Variants in FREM2 observed in about 807,000 individuals in gnomAD.
The protein encoded by FREM2 is FRAS1-related extracellular matrix protein 2.
A neutral mutation model predicts 219.9 loss-of-function variants in FREM2; 119 were observed. The observed-to-expected ratio is 0.54, with a 90% CI of 0.47 to 0.63. The LOEUF (loss-of-function observed/expected upper bound fraction) is 0.63, where lower values mean the gene tolerates loss of function less well. FREM2 is among the 30% of genes least tolerant of loss of function. The pLI is 0.00. For missense variants in FREM2, 4,030 were observed against 3,993.6 expected, an observed-to-expected ratio of 1.01 and a Z score of -0.25; for synonymous variants, 1,562 against 1,522.8, an observed-to-expected ratio of 1.03 and a Z score of -0.60.
intron 2 of FREM2, among the ~76,000 whole-genome samples, chr13:38,701,393 GC>G (rs1870337020): frequency 1.3e-5 from 2 of 152,076 alleles, no homozygotes; most frequent in South Asian, 4.1e-4. Context: ...TGGTTTTCGT[GC>G]TTTATATCTT....
chr13:38,752,663 A>T (rs531151574), intron 2 of FREM2, among the ~76,000 whole-genome samples: 2 of 152,160 alleles, frequency 1.3e-5, no homozygotes, highest in African/African-American at 2.4e-5. Context: ...TTCCCTTTCT[A>T]TATTTTTGTC....
intron 6 of FREM2, among the ~76,000 whole-genome samples, chr13:38,833,002 A>G (rs1459868130): frequency 6.6e-6 from 1 of 152,092 alleles, no homozygotes; most frequent in Non-Finnish European, 1.5e-5. Context: ...TTGAGCCACT[A>G]CACTCCACCC....
At chr13:38,806,144 G>A (rs1452957547) in intron 6 of FREM2, among the ~76,000 whole-genome samples, 2 of 151,766 alleles carry the variant, frequency 1.3e-5, no homozygotes, top group Admixed American at 1.3e-4. Context: ...AATACAAGTA[G>A]GAGGGTCCAG....
intron 6 of FREM2, among the ~76,000 whole-genome samples, chr13:38,806,693 G>A (rs1403872186): frequency 6.6e-6 from 1 of 151,848 alleles, no homozygotes; most frequent in Non-Finnish European, 1.5e-5. Flanking sequence ...GCTGCTTATG[G>A]ATCAGGGTTG....
At chr13:38,729,306 G>A (rs1381988002) in intron 2 of FREM2, among the ~76,000 whole-genome samples, 1 of 151,948 alleles carries the variant, frequency 6.6e-6, no homozygotes, top group South Asian at 2.1e-4. Context: ...GACATATGAT[G>A]CTTTTCTTTT....
At chr13:38,827,978 C>A (rs1042996981) in intron 6 of FREM2, among the ~76,000 whole-genome samples, 1 of 152,140 alleles carries the variant, frequency 6.6e-6, no homozygotes, top group Admixed American at 6.6e-5. Context: ...TCTTTTATCA[C>A]AAACTTATTA....
chr13:38,739,522 G>A (rs9576607), intron 2 of FREM2, among the ~76,000 whole-genome samples: 18,191 of 152,074 alleles, frequency 0.12, 1,258 homozygotes, highest in Middle Eastern at 0.24. Context: ...TACACCTATG[G>A]TTGGCTTCCT....
Position 38,884,938 on chromosome 13 carries a change from T to C in FREM2, c.*4151T>C, listed in dbSNP as rs2137948220. 6.6e-6 allele frequency: 1 copy of C among 152,330 alleles called. No individual in the cohort carries two copies. The highest frequency in any genetic ancestry group is 2.4e-5 in the African/African-American group (1 of 41,582). The allele number at this position is 152,330 out of a possible 1,614,324, so 9.4% of individuals were successfully genotyped here. A position where few individuals can be genotyped will look rare whatever the true frequency, so the allele number is the denominator to read the frequency against. On this transcript the variant is annotated 3_prime_UTR_variant, in exon 24 of 24. Coordinates refer to ENST00000280481, the MANE Select transcript of FREM2 (RefSeq NM_207361.6). ...ACTCTCATGGGAGCTTCTTTAACAT[T>C]AGTTCAGAGGTTAATATATTTCCTG...
chr13:38,811,721 A>G (rs551868673), intron 6 of FREM2, among the ~76,000 whole-genome samples: 81 of 152,200 alleles, frequency 5.3e-4, no homozygotes, highest in Middle Eastern at 3.4e-3. Context: ...GACCTAACGT[A>G]TGGTCTGTTC....
At chr13:38,776,765 C>G (rs1283104564) in intron 4 of FREM2, among the ~76,000 whole-genome samples, 1 of 150,968 alleles carries the variant, frequency 6.6e-6, no homozygotes, top group Non-Finnish European at 1.5e-5. Context: ...TCATTTGTCT[C>G]TAAATCTAAA....
At chr13:38,840,411 C>T (rs9315616) in intron 6 of FREM2, among the ~76,000 whole-genome samples, 9 of 144,718 alleles carry the variant, frequency 6.2e-5, no homozygotes, top group Non-Finnish European at 1.2e-4. Flanking sequence ...GCCACCTTGC[C>T]GGGATTTCTC....
Position 38,884,892 on chromosome 13 carries a change from A to G in FREM2, c.*4105A>G, listed in dbSNP as rs1878675761. ...TGAAGTTTTACAAAAAGGTCAACAG[A>G]AAGCTCATTTGTGAAAACATACTCT... On this transcript the variant is annotated 3_prime_UTR_variant, in exon 24 of 24. Transcript: ENST00000280481. 6.6e-6 allele frequency: 1 copy of G among 152,218 alleles called. No individual in the cohort carries two copies. Among genetic ancestry groups the G allele is most frequent in the Non-Finnish European group, 1.5e-5 (1 of 68,028 alleles). The allele number at this position is 152,218 out of a possible 1,614,324, so 9.4% of individuals were successfully genotyped here. A position where few individuals can be genotyped will look rare whatever the true frequency, so the allele number is the denominator to read the frequency against.
At chr13:38,739,997 G>C (rs1374703733) in intron 2 of FREM2, among the ~76,000 whole-genome samples, 1 of 152,126 alleles carries the variant, frequency 6.6e-6, no homozygotes, top group Non-Finnish European at 1.5e-5. Context: ...CTTCAGTTTA[G>C]AGTGGCTTGC....
intron 6 of FREM2, among the ~76,000 whole-genome samples, chr13:38,846,304 T>A (rs901233795): frequency 6.6e-6 from 1 of 152,142 alleles, no homozygotes; most frequent in African/African-American, 2.4e-5. Flanking sequence ...AAGCCACTTA[T>A]AATCCCACAT....
At chr13:38,706,183 C>T (rs113937600) in intron 2 of FREM2, among the ~76,000 whole-genome samples, 62 of 152,166 alleles carry the variant, frequency 4.1e-4, no homozygotes, top group African/African-American at 1.4e-3. Context: ...AGATTAATAC[C>T]GTATCTTGAT....
chr13:38,876,804 C>G (rs1052723275), intron 20 of FREM2, among the ~76,000 whole-genome samples: 1 of 152,014 alleles, frequency 6.6e-6, no homozygotes, highest in Non-Finnish European at 1.5e-5. Context: ...ATCTTTTTTT[C>G]AAGAATTTTT....
intron 15 of FREM2, 23 bp from the exon 16 acceptor site, chr13:38,864,252 A>G (rs1017520058): frequency 7.6e-6 from 12 of 1,585,952 alleles, no homozygotes; most frequent in Non-Finnish European, 9.5e-6. Flanking sequence ...AAGACTGTTA[A>G]CAATGATTTC....
chr13:38,848,394 T>G, intron 7 of FREM2, 67 bp from the exon 8 acceptor site: 2 of 1,070,092 alleles, frequency 1.9e-6, no homozygotes, highest in South Asian at 2.5e-5. Context: ...AATTACATAA[T>G]TTATGTCTTA....
chr13:38,879,128 A>G (rs1878455099), intron 23 of FREM2, 151 bp downstream of exon 23: 1 of 812,526 alleles, frequency 1.2e-6, no homozygotes, highest in South Asian at 1.4e-5. Flanking sequence ...TGGCAAATAA[A>G]CTACATAACC....
Sources: gnomAD v4.1 joint callset for allele counts (sites outside exome capture counted in the v4.1 genomes callset) on GRCh38, gnomAD v4.1.1 for gene constraint, MANE v1.5 for transcripts, NCBI Gene and HGNC (gene_info 2026-07-23, HGNC 2026-07-21) for gene names.